Variants in PDE3A observed in about 807,000 individuals in gnomAD.
PDE3A encodes the protein phosphodiesterase 3A, also known as cGMP-inhibited 3',5'-cyclic phosphodiesterase 3A.
PDE3A carries 43 observed loss-of-function variants against 98.3 expected under a neutral mutation model. The ratio of observed to expected loss-of-function variants is 0.44; its 90% CI spans 0.34 to 0.56. PDE3A has a LOEUF of 0.56. Ranked by LOEUF, PDE3A falls within the 20% of genes least tolerant of loss-of-function variation. The pLI is 0.01. For missense variants in PDE3A, 1,427 were observed against 1,440.7 expected (o/e 0.99, Z 0.15); for synonymous variants, 663 against 567.9 (o/e 1.17, Z -2.38).
In PDE3A at chr12:20,467,306, CTT is replaced by C. The variant is rs916903953; in HGVS notation, c.961-89346_961-89345del. On this transcript the variant is annotated intron_variant, in intron 1 of 15. Transcript: ENST00000359062. ...AAAGAAAATAAAAGGAATGATGATG[CTT>C]TTTTTTTGTTTGTATATCTAGGAAT... is the stretch of plus-strand genomic sequence containing the variant. Among the ~76,000 whole-genome samples the C allele has an allele frequency of 4.4e-3, 551 of 126,322 alleles. 5 individuals are homozygous for C. The highest frequency in any genetic ancestry group is 0.015 in the African/African-American group (515 of 34,360). 82.9% of individuals were successfully genotyped at this position (126,322 alleles called of 152,430 possible). A position where few individuals can be genotyped will look rare whatever the true frequency, so the allele number is the denominator to read the frequency against.
At chr12:20,493,488 A>G (rs1326642090) in intron 1 of PDE3A, among the ~76,000 whole-genome samples, 4 of 152,326 alleles carry the variant, frequency 2.6e-5, no homozygotes, top group East Asian at 1.9e-4. Flanking sequence ...ATACTATGCT[A>G]TTTATCTATG....
intron 2 of PDE3A, among the ~76,000 whole-genome samples, chr12:20,562,245 G>A (rs1209779868): frequency 1.4e-5 from 2 of 140,214 alleles, no homozygotes; most frequent in East Asian, 2.1e-4. Context: ...TTTTGGAGAC[G>A]GAGTCCGGCT....
chr12:20,443,355 G>C (rs944302724), intron 1 of PDE3A, among the ~76,000 whole-genome samples: 2 of 152,120 alleles, frequency 1.3e-5, no homozygotes, highest in African/African-American at 2.4e-5. Flanking sequence ...GCATAGATAC[G>C]TAAGGGGATA....
rs1944658740 is a variant in PDE3A, at chr12:20,642,121, C to T, written c.2251+2164C>T. ...AAATAAATCCTTAGTTGAAAAGAAG[C>T]ATAAGAGGAACCAAAGTTAAAATGG... On this transcript the variant is annotated intron_variant, in intron 10 of 15. Coordinates refer to ENST00000359062, the MANE Select transcript of PDE3A (RefSeq NM_000921.5). 3.9e-5 allele frequency among the ~76,000 whole-genome samples: 6 copies of T among 152,112 alleles called. No homozygotes were observed. In the South Asian group the frequency reaches 1.2e-3, roughly 32 times the overall value.
At chr12:20,539,019 G>A (rs368197467) in intron 1 of PDE3A, among the ~76,000 whole-genome samples, 1 of 151,302 alleles carries the variant, frequency 6.6e-6, no homozygotes, top group Non-Finnish European at 1.5e-5. Flanking sequence ...CCCTTAACAC[G>A]TGCCAATTAT....
intron 1 of PDE3A, among the ~76,000 whole-genome samples, chr12:20,513,127 T>C (rs2121123280): frequency 6.6e-6 from 1 of 152,268 alleles, no homozygotes; most frequent in Non-Finnish European, 1.5e-5. Flanking sequence ...TCTCAGTCTT[T>C]CGTGTTTTAC....
intron 2 of PDE3A, among the ~76,000 whole-genome samples, chr12:20,574,849 A>G (rs575563157): frequency 1.3e-5 from 2 of 152,058 alleles, no homozygotes; most frequent in Non-Finnish European, 2.9e-5. Context: ...TCTCAATATC[A>G]TCCTACAGTA....
chr12:20,548,884 C>T (rs559003108), intron 1 of PDE3A, among the ~76,000 whole-genome samples: 45 of 152,228 alleles, frequency 3.0e-4, no homozygotes, highest in Admixed American at 2.2e-3. Context: ...GAAATAATAT[C>T]AACATCATTT....
chr12:20,629,394 T>C (rs562340837), intron 5 of PDE3A, among the ~76,000 whole-genome samples: 3 of 152,336 alleles, frequency 2.0e-5, no homozygotes, highest in Non-Finnish European at 4.4e-5. Context: ...AAACTGCGAA[T>C]GGTTAAGAAG....
intron 1 of PDE3A, among the ~76,000 whole-genome samples, chr12:20,543,831 A>G (rs1262145512): frequency 6.6e-6 from 1 of 152,180 alleles, no homozygotes; most frequent in African/African-American, 2.4e-5. Context: ...AGTCCTTACT[A>G]TGTACCAGGT....
intron 1 of PDE3A, among the ~76,000 whole-genome samples, chr12:20,426,732 A>T (rs1384540993): frequency 6.6e-6 from 1 of 152,188 alleles, no homozygotes; most frequent in Non-Finnish European, 1.5e-5. Context: ...GTATATTTTT[A>T]CTCAGTATTA....
chr12:20,613,026 A>C (rs1482442029), intron 2 of PDE3A, among the ~76,000 whole-genome samples: 3 of 152,172 alleles, frequency 2.0e-5, no homozygotes, highest in Admixed American at 2.0e-4. Context: ...CAAGTGTCAC[A>C]TTAAAATATT....
intron 1 of PDE3A, among the ~76,000 whole-genome samples, chr12:20,440,213 G>A (rs2120839280): frequency 6.6e-6 from 1 of 152,208 alleles, no homozygotes; most frequent in South Asian, 2.1e-4. Context: ...ATATTGCCTT[G>A]CTCCAGGTTT....
chr12:20,554,603 G>C (rs1451847210), intron 1 of PDE3A, among the ~76,000 whole-genome samples: 1 of 128,774 alleles, frequency 7.8e-6, no homozygotes, highest in East Asian at 2.2e-4. Context: ...TTCTTTTTTT[G>C]TGAGACAGGG....
At chr12:20,630,583 A>G (rs927919204) in intron 6 of PDE3A, among the ~76,000 whole-genome samples, 4 of 152,226 alleles carry the variant, frequency 2.6e-5, no homozygotes, top group African/African-American at 2.4e-5. Flanking sequence ...TACATTGCAC[A>G]GGATGGCTGG....
intron 1 of PDE3A, among the ~76,000 whole-genome samples, chr12:20,410,729 T>C (rs1174935239): frequency 6.6e-6 from 1 of 152,168 alleles, no homozygotes; most frequent in Non-Finnish European, 1.5e-5. Context: ...TATAAGACCT[T>C]CCCAATTCAG....
chr12:20,370,028 G>C lies in PDE3A; in HGVS notation c.744G>C (p.Gly248=). 1.2e-6 allele frequency: 2 copies of C among 1,613,044 alleles called. No homozygotes were observed. The highest frequency in any genetic ancestry group is 1.7e-6 in the Non-Finnish European group (2 of 1,179,948). Residue 248 remains glycine (G), a synonymous_variant, in exon 1 of 16, where the codon GGG becomes GGC. Coordinates refer to ENST00000359062, the MANE Select transcript of PDE3A (RefSeq NM_000921.5). ...TGGCGTACCTGGCCGGCGTGCTGGG[G>C]ATCCTCTTGGCCAGGTACGTGGAAC... ...PYLAYLAGVL[G]ILLARYVEQI... is the part of the protein sequence containing the mutation.
chr12:20,477,952 T>C (rs1565562015), intron 1 of PDE3A, among the ~76,000 whole-genome samples: 1 of 152,222 alleles, frequency 6.6e-6, no homozygotes, highest in Non-Finnish European at 1.5e-5. Context: ...TCGCATCTTC[T>C]GCCAGAAGCC....
intron 15 of PDE3A, among the ~76,000 whole-genome samples, chr12:20,673,875 T>A (rs1945560799): frequency 6.6e-6 from 1 of 151,692 alleles, no homozygotes; most frequent in Non-Finnish European, 1.5e-5. Flanking sequence ...AAAATAAAAA[T>A]AAAAATAAAG....
Sources: gnomAD v4.1 joint callset for allele counts (sites outside exome capture counted in the v4.1 genomes callset) on GRCh38, gnomAD v4.1.1 for gene constraint, MANE v1.5 for transcripts, NCBI Gene and HGNC (gene_info 2026-07-23, HGNC 2026-07-21) for gene names.